The following ADGRB1 variants were observed in gnomAD, a reference collection of about 807,000 sequenced individuals.
ADGRB1 encodes the protein brain-specific angiogenesis inhibitor 1.
A neutral mutation model predicts 175.7 loss-of-function variants in ADGRB1; 36 were observed. The observed-to-expected ratio is 0.20, with a 90% CI of 0.16 to 0.27. ADGRB1 has a LOEUF of 0.27. Among genes scored for constraint, ADGRB1 ranks in the 10% least tolerant of loss-of-function variants. The probability of loss-of-function intolerance (pLI) is 1.00; values close to 1 mark genes in which losing one functional copy is unlikely to be tolerated. For synonymous variants in ADGRB1, 1,054 were observed against 979.4 expected, an observed-to-expected ratio of 1.08 and a Z score of -1.42; for missense variants, 1,731 against 2,255.3, an observed-to-expected ratio of 0.77 and a Z score of 4.71.
chr8:142,473,150 C>T (rs1479552780), intron 2 of ADGRB1, among the ~76,000 whole-genome samples: 1 of 152,210 alleles, frequency 6.6e-6, no homozygotes, highest in East Asian at 1.9e-4. Context: ...GCCATGGGAA[C>T]CGAGTGGCAT....
intron 16 of ADGRB1, among the ~76,000 whole-genome samples, chr8:142,489,976 C>T (rs1841908732): frequency 6.6e-6 from 1 of 152,202 alleles, no homozygotes; most frequent in Non-Finnish European, 1.5e-5. Context: ...CAGAGCCCTT[C>T]CTTGGGCCTC....
intron 13 of ADGRB1, among the ~76,000 whole-genome samples, chr8:142,486,431 T>C (rs1233409474): frequency 1.3e-5 from 2 of 152,216 alleles, no homozygotes; most frequent in East Asian, 3.8e-4. Flanking sequence ...GATGACCCAG[T>C]GTTTTCACCA....
At chr8:142,541,757 G>A (rs1241697037) in intron 27 of ADGRB1, among the ~76,000 whole-genome samples, 184 bp from the exon 28 acceptor site, 3 of 152,144 alleles carry the variant, frequency 2.0e-5, no homozygotes, top group South Asian at 4.1e-4. Flanking sequence ...GGGCCGTAGC[G>A]CCAGGCTTGG....
Position 142,541,926 on chromosome 8 carries a change from C to T in ADGRB1, c.3707-15C>T, listed in dbSNP as rs549812219. 9.1e-6 allele frequency: 14 copies of T among 1,533,376 alleles called. No homozygotes were observed. The East Asian group carries it at 2.7e-4, about 30-fold the overall frequency. 95.0% of individuals were successfully genotyped at this position (1,533,376 alleles called of 1,614,324 possible). ...CCCACACCTGTCCCCGCTGTCTCCCCCGCGGCCCCTGCAGTGCTGAACAAG... is the reference window on the plus strand; with the variant it reads ...CCCACACCTGTCCCCGCTGTCTCCCTCGCGGCCCCTGCAGTGCTGAACAAG... On this transcript the variant is annotated splice_polypyrimidine_tract_variant and intron_variant, in intron 27 of 30. Coordinates refer to ENST00000517894, the MANE Select transcript of ADGRB1 (RefSeq NM_001702.3).
In ADGRB1 at chr8:142,517,997, G is replaced by A. The variant is rs1040393204; in HGVS notation, c.2818-141G>A. 1.8e-4 allele frequency: 119 copies of A among 669,458 alleles called. 1 individual carries two copies. The East Asian group carries it at 2.8e-3, about 16-fold the overall frequency. 41.5% of individuals were successfully genotyped at this position (669,458 alleles called of 1,614,324 possible). ...AGGAAACCCCTCGTCTGCAGGGGGC[G>A]GGTGGGGAGGTGGAGGAGGGGCTGG... On this transcript the variant is annotated intron_variant, in intron 18 of 30. Coordinates refer to ENST00000517894, the MANE Select transcript of ADGRB1 (RefSeq NM_001702.3).
intron 30 of ADGRB1, 29 bp from the exon 31 acceptor site, chr8:142,544,191 C>G: frequency 6.5e-7 from 1 of 1,546,412 alleles, no homozygotes; most frequent in Non-Finnish European, 8.7e-7. Context: ...CCGGGCCCCA[C>G]CCCTCCTGCA....
intron 17 of ADGRB1, among the ~76,000 whole-genome samples, chr8:142,508,693 G>T (rs1842947017): frequency 6.6e-6 from 1 of 152,222 alleles, no homozygotes; most frequent in Non-Finnish European, 1.5e-5. Flanking sequence ...GCCTGCGAAG[G>T]TCACGTGGGC....
chr8:142,509,566 G>A lies in ADGRB1; in HGVS notation c.2676-1366G>A, dbSNP rs76894564. Among the ~76,000 whole-genome samples, 354 of 152,312 alleles carry A rather than the reference G, an allele frequency of 2.3e-3. 4 individuals are homozygous for A. The highest frequency in any genetic ancestry group is 0.02 in the East Asian group (101 of 5,168). On this transcript the variant is annotated intron_variant, in intron 17 of 30. Transcript: ENST00000517894. The stretch of plus-strand genomic sequence containing the variant: ...AGCCCCCGTTGGTACAGTGGGGACC[G>A]GATGGAAGAGGTGAGCTGAAGACTC...
In ADGRB1 at chr8:142,537,125, C is replaced by G. The variant is rs756770884; in HGVS notation, c.3666+43C>G. On this transcript the variant is annotated intron_variant, in intron 26 of 30. Coordinates refer to ENST00000517894, the MANE Select transcript of ADGRB1 (RefSeq NM_001702.3). The surrounding 1 kb of genome is among the most constrained non-coding windows in gnomAD (Gnocchi z 4.6). Reference sequence around the variant, plus strand: ...GGGACTCAGGCTGCCCTACCTGCCTCGTACCCCCGCCAAGTGCCTCCAGGC... The same window carrying G: ...GGGACTCAGGCTGCCCTACCTGCCTGGTACCCCCGCCAAGTGCCTCCAGGC... The G allele has an allele frequency of 3.6e-6, 5 of 1,384,698 alleles. No individual in the cohort carries two copies. The highest frequency in any genetic ancestry group is 4.7e-6 in the Non-Finnish European group (5 of 1,057,034). The allele number at this position is 1,384,698 out of a possible 1,614,324, so 85.8% of individuals were successfully genotyped here. A position where few individuals can be genotyped will look rare whatever the true frequency, so the allele number is the denominator to read the frequency against.
chr8:142,542,444 C>T lies in ADGRB1; in HGVS notation c.4210C>T (p.Pro1404Ser). ...PSRQPPSGGP[P>S]EAPPAQPPPP... ...CCGCCAGCCCCCCAGCGGCGGGCCC[C>T]CCGAGGCACCCCCTGCCCAGCCCCC... The change falls in exon 28 of 31, where the codon CCC becomes TCC. Residue 1404 changes from proline (P) to serine (S), a missense_variant. Physicochemically the swap from Pro to Ser is moderately conservative, Grantham distance 74. This residue lies in a region of ADGRB1 where 394 missense variants were observed against 410.2 expected (regional missense o/e 0.96). Transcript: ENST00000517894. This position sits in a 1 kb window ranked among gnomAD's most constrained non-coding sequence, Gnocchi z 6.3. 3 of 1,462,370 alleles carry T rather than the reference C, an allele frequency of 2.1e-6. No individual in the cohort carries two copies. The highest frequency in any genetic ancestry group is 2.7e-6 in the Non-Finnish European group (3 of 1,098,312). The allele number at this position is 1,462,370 out of a possible 1,614,324, so 90.6% of individuals were successfully genotyped here.
At chr8:142,498,727 A>T (rs1842342301) in intron 17 of ADGRB1, among the ~76,000 whole-genome samples, 2 of 148,598 alleles carry the variant, frequency 1.3e-5, no homozygotes, top group South Asian at 4.4e-4. Context: ...CCTGCCTACC[A>T]CTCCCCGCAC....
At chr8:142,462,149 C>T (rs899587497) in intron 1 of ADGRB1, among the ~76,000 whole-genome samples, 4 of 152,130 alleles carry the variant, frequency 2.6e-5, no homozygotes, top group African/African-American at 4.8e-5. Flanking sequence ...GCCACGAATG[C>T]GCCAGGATGG....
intron 1 of ADGRB1, among the ~76,000 whole-genome samples, chr8:142,461,251 C>T (rs1049456929): frequency 1.3e-5 from 2 of 152,194 alleles, no homozygotes; most frequent in African/African-American, 4.8e-5. Context: ...AAGGCATGGC[C>T]CCTCTGTGGA....
At chr8:142,477,687 C>T (rs1181898612) in intron 6 of ADGRB1, 138 bp downstream of exon 6, 192 of 1,220,006 alleles carry the variant, frequency 1.6e-4, no homozygotes, top group Non-Finnish European at 2.1e-4. Context: ...GAACCTCAGA[C>T]TGGGTTTAGG....
At chr8:142,487,149 T>C (rs943949972) in intron 13 of ADGRB1, among the ~76,000 whole-genome samples, 1 of 152,176 alleles carries the variant, frequency 6.6e-6, no homozygotes, top group African/African-American at 2.4e-5. Flanking sequence ...TTTCAAAGTT[T>C]GCCCCTTACC....
At chr8:142,528,110 T>C (rs1844327148) in intron 24 of ADGRB1, among the ~76,000 whole-genome samples, 1 of 152,174 alleles carries the variant, frequency 6.6e-6, no homozygotes, top group Non-Finnish European at 1.5e-5. Context: ...TACACCGGTC[T>C]ATGTGTGCAC....
At chr8:142,463,470 C>G (rs530014285) in intron 1 of ADGRB1, among the ~76,000 whole-genome samples, 2 of 152,268 alleles carry the variant, frequency 1.3e-5, no homozygotes, top group African/African-American at 2.4e-5. Flanking sequence ...TCCTGTGCTC[C>G]GGGCCCACTT....
chr8:142,474,904 G>A lies in ADGRB1; in HGVS notation c.785-570G>A, dbSNP rs537060525. Reference sequence around the variant, plus strand: ...GCTGTGCCCTGGGTTCGAGGCCCTGGTTGGACACCAGGTGTGAGGCCTTGA... The same window carrying A: ...GCTGTGCCCTGGGTTCGAGGCCCTGATTGGACACCAGGTGTGAGGCCTTGA... On this transcript the variant is annotated intron_variant, in intron 2 of 30. Coordinates refer to ENST00000517894, the MANE Select transcript of ADGRB1 (RefSeq NM_001702.3). This position sits in a 1 kb window ranked among gnomAD's most constrained non-coding sequence, Gnocchi z 5.8. 6.6e-5 allele frequency among the ~76,000 whole-genome samples: 10 copies of A among 152,294 alleles called. No individual in the cohort carries two copies. The South Asian group carries it at 2.1e-3, about 32-fold the overall frequency.
intron 1 of ADGRB1, among the ~76,000 whole-genome samples, chr8:142,451,824 C>A (rs1312347258): frequency 6.6e-6 from 1 of 152,146 alleles, no homozygotes; most frequent in Non-Finnish European, 1.5e-5. Flanking sequence ...ACCCTCATGC[C>A]TTCCACTCGT....
Sources: gnomAD v4.1 joint callset for allele counts (sites outside exome capture counted in the v4.1 genomes callset) on GRCh38, gnomAD v4.1.1 for gene constraint, gnomAD v4.1.1 regional missense constraint, Gnocchi (gnomAD v3.1) non-coding constraint, MANE v1.5 for transcripts, NCBI Gene and HGNC (gene_info 2026-07-23, HGNC 2026-07-21) for gene names.